PCNX2: variants seen among roughly 807,000 people sequenced by gnomAD.
The protein encoded by PCNX2 is pecanex-like protein 2.
A neutral mutation model predicts 223.8 loss-of-function variants in PCNX2; 168 were observed. The ratio of observed to expected loss-of-function variants is 0.75; its 90% CI spans 0.66 to 0.85. PCNX2 has a LOEUF of 0.85. Among genes scored for constraint, PCNX2 ranks in the 40% least tolerant of loss-of-function variants. PCNX2 has a pLI of 0.00. For missense variants in PCNX2, 2,507 were observed against 2,675.5 expected (o/e 0.94, Z 1.39); for synonymous variants, 1,006 against 1,052.6 (o/e 0.96, Z 0.86).
intron 28 of PCNX2, among the ~76,000 whole-genome samples, chr1:233,007,598 C>T (rs1246284056): frequency 4.6e-5 from 7 of 152,132 alleles, no homozygotes; most frequent in South Asian, 4.1e-4. Context: ...AGTGCCGTGG[C>T]GTGATCTCAA....
intron 1 of PCNX2, among the ~76,000 whole-genome samples, chr1:233,294,980 A>C (rs1406426081): frequency 2.6e-5 from 4 of 152,072 alleles, no homozygotes; most frequent in African/African-American, 7.2e-5. Context: ...TTCACACCAA[A>C]CATTATCCCA....
intron 21 of PCNX2, among the ~76,000 whole-genome samples, chr1:233,112,608 T>A (rs1485844875): frequency 6.6e-6 from 1 of 152,250 alleles, no homozygotes; most frequent in Non-Finnish European, 1.5e-5. Flanking sequence ...CCAGTGAGAA[T>A]TCTCTCTTTC....
intron 4 of PCNX2, 69 bp from the exon 5 acceptor site, chr1:233,259,413 T>C: frequency 6.8e-7 from 1 of 1,466,484 alleles, no homozygotes; most frequent in Non-Finnish European, 9.0e-7. Context: ...CAAGACCTAA[T>C]GAATAATAAC....
intron 15 of PCNX2, among the ~76,000 whole-genome samples, chr1:233,179,624 GA>G (rs1366969355): frequency 2.0e-5 from 3 of 152,168 alleles, no homozygotes; most frequent in Non-Finnish European, 4.4e-5. Flanking sequence ...AAAGATTGTA[GA>G]AAGTAGAAAA....
rs1388234040 is a variant in PCNX2, at chr1:233,144,141, A to AGC, written c.3518-4287_3518-4286insGC. 2.8e-3 allele frequency among the ~76,000 whole-genome samples: 419 copies of AGC among 152,180 alleles called. 4 individuals are homozygous for AGC. In the East Asian group the frequency reaches 0.028, roughly 10 times the overall value. On this transcript the variant is annotated intron_variant, in intron 19 of 33. Coordinates refer to ENST00000258229, the MANE Select transcript of PCNX2 (RefSeq NM_014801.4). ...GGCTGTAATAAGCCGTGATTACACC[A>AGC]CTGCACCCCAGCCTGGACAACAGAG...
chr1:233,287,496 G>C (rs1490778627), intron 1 of PCNX2, among the ~76,000 whole-genome samples: 3 of 152,110 alleles, frequency 2.0e-5, no homozygotes, highest in Non-Finnish European at 4.4e-5. Flanking sequence ...GAGATCTGGT[G>C]GTTTTATAAA....
In PCNX2 at chr1:233,198,987, G is replaced by T; in HGVS notation, c.3018C>A (p.Ser1006Arg). The T allele has an allele frequency of 6.2e-7, 1 of 1,605,682 alleles. No individual in the cohort carries two copies. Among genetic ancestry groups the T allele is most frequent in the Non-Finnish European group, 8.5e-7 (1 of 1,176,552 alleles). Residue 1006 changes from serine (S) to arginine (R), a missense_variant, in exon 15 of 34, where the codon AGC (serine) becomes AGA (arginine). Around this residue, in one of 3 missense-constraint regions of PCNX2, gnomAD observed 1,372 missense variants for 1,509.4 expected, o/e 0.91. Coordinates refer to ENST00000258229, the MANE Select transcript of PCNX2 (RefSeq NM_014801.4). Reference protein sequence around the residue: ...ITSAVYSVARSVLAAALLHAV... With the variant: ...ITSAVYSVARRVLAAALLHAV... ...CGTGGAGCAGGGCGGCAGCCAAGAC[G>T]CTCCGGGCCACACTGTAAACAGCCG...
intron 1 of PCNX2, among the ~76,000 whole-genome samples, chr1:233,288,057 CATTAAAAGTGAGTCCATTTT>C (rs1182925903): frequency 3.3e-5 from 5 of 152,068 alleles, no homozygotes; most frequent in African/African-American, 1.2e-4. Context: ...ATCTGAATAC[CATTAAAAGTGAGTCCATTTT>C]CTTCTTGCAG....
intron 22 of PCNX2, among the ~76,000 whole-genome samples, chr1:233,094,869 G>T (rs1293657310): frequency 6.6e-6 from 1 of 152,136 alleles, no homozygotes; most frequent in Non-Finnish European, 1.5e-5. Flanking sequence ...ATCCCGCCCA[G>T]TGAAATTTGA....
intron 19 of PCNX2, among the ~76,000 whole-genome samples, chr1:233,155,045 G>T (rs1678030549): frequency 6.8e-6 from 1 of 147,412 alleles, no homozygotes; most frequent in South Asian, 2.2e-4. Context: ...TCCAGCCTGG[G>T]CAACAGAGTG....
At chr1:233,307,220 T>G in the PCNX2 span, among the ~76,000 whole-genome samples, 7 of 152,216 alleles carry the variant, frequency 4.6e-5, no homozygotes, top group Non-Finnish European at 5.9e-5. Flanking sequence ...CTTCCAAATC[T>G]CATGTTGAAA....
chr1:233,231,503 C>G, intron 9 of PCNX2: 1 of 403,612 alleles, frequency 2.5e-6, no homozygotes, highest in South Asian at 1.0e-4. Flanking sequence ...CTCTATAGAA[C>G]CTCCCCAAAG....
intron 25 of PCNX2, among the ~76,000 whole-genome samples, chr1:233,030,987 G>A (rs898763977): frequency 6.6e-6 from 1 of 152,150 alleles, no homozygotes; most frequent in Admixed American, 6.5e-5. Flanking sequence ...TATCCCCCTA[G>A]TTCAATAAGA....
chr1:233,042,539 A>G (rs1671678519), intron 25 of PCNX2, among the ~76,000 whole-genome samples: 1 of 152,212 alleles, frequency 6.6e-6, no homozygotes, highest in South Asian at 2.1e-4. Flanking sequence ...AGCTATATCA[A>G]TTATATCCAA....
intron 15 of PCNX2, among the ~76,000 whole-genome samples, chr1:233,192,459 G>A (rs1314984704): frequency 6.6e-6 from 1 of 151,982 alleles, no homozygotes; most frequent in Non-Finnish European, 1.5e-5. Context: ...ACACAAAACA[G>A]GTCTATGAAC....
chr1:233,070,474 T>G (rs577555474), intron 23 of PCNX2, among the ~76,000 whole-genome samples: 1 of 152,162 alleles, frequency 6.6e-6, no homozygotes, highest in East Asian at 1.9e-4. Flanking sequence ...AAAAATATAT[T>G]GCAAATAAAA....
intron 19 of PCNX2, among the ~76,000 whole-genome samples, chr1:233,149,266 G>T (rs2477865): frequency 0.51 from 78,024 of 151,932 alleles, 21,045 homozygotes; most frequent in South Asian, 0.59. Flanking sequence ...TGTCTTAAAG[G>T]GTTTCAGGTT....
chr1:233,031,886 G>A (rs1671281102), intron 25 of PCNX2: 1 of 984,192 alleles, frequency 1.0e-6, no homozygotes, highest in African/African-American at 1.8e-5. Flanking sequence ...ATGCATACTG[G>A]ACTATAAACA....
chr1:233,160,161 GC>G, intron 19 of PCNX2, 121 bp downstream of exon 19: 1 of 1,063,946 alleles, frequency 9.4e-7, no homozygotes, highest in Non-Finnish European at 1.3e-6. Context: ...TGTACCATCT[GC>G]CATTTTCAAG....
Sources: allele counts gnomAD v4.1 joint callset (sites outside exome capture counted in the v4.1 genomes callset), GRCh38; gene constraint gnomAD v4.1.1; regional missense constraint gnomAD v4.1.1; transcripts MANE v1.5; gene names NCBI Gene and HGNC (gene_info 2026-07-23, HGNC 2026-07-21).